AGO2: variants seen among roughly 807,000 people sequenced by gnomAD.
AGO2 encodes protein argonaute-2.
In AGO2, 5 loss-of-function variants were observed where a neutral mutation model predicts 102.3. That is an observed-to-expected ratio of 0.05 (90% CI 0.03 to 0.10). The LOEUF (loss-of-function observed/expected upper bound fraction) is 0.10, where lower values mean the gene tolerates loss of function less well. Among genes scored for constraint, AGO2 ranks in the 10% least tolerant of loss-of-function variants. The pLI, the probability that AGO2 is intolerant of heterozygous loss-of-function variation, is 1.00. For synonymous variants in AGO2, 449 were observed against 473.1 expected (o/e 0.95, Z 0.66); for missense variants, 541 against 1,183.7 (o/e 0.46, Z 7.97).
intron 1 of AGO2, among the ~76,000 whole-genome samples, chr8:140,588,771 C>T (rs560180660): frequency 1.2e-4 from 18 of 152,346 alleles, no homozygotes; most frequent in South Asian, 2.1e-4. Flanking sequence ...GATGGCTCCC[C>T]GGGGCCCAGG....
chr8:140,554,197 G>T lies in AGO2; in HGVS notation c.1269+1699C>A, dbSNP rs143203095. ...GGCCAGGCACTCCTCTTGCCCTCCCGGGGCGTCTCCTCCCCAACTCATGAA... is the reference window on the plus strand; with the variant it reads ...GGCCAGGCACTCCTCTTGCCCTCCCTGGGCGTCTCCTCCCCAACTCATGAA... On this transcript the variant is annotated intron_variant, in intron 10 of 18. Transcript: ENST00000220592. Among the ~76,000 whole-genome samples the T allele has an allele frequency of 7.1e-3, 1,087 of 152,326 alleles. 11 individuals carry two copies. Among genetic ancestry groups the T allele is most frequent in the African/African-American group, 0.025 (1,036 of 41,568 alleles).
At chr8:140,597,893 C>T (rs1020383303) in intron 1 of AGO2, among the ~76,000 whole-genome samples, 2 of 152,198 alleles carry the variant, frequency 1.3e-5, no homozygotes, top group South Asian at 2.1e-4. Flanking sequence ...CGGGCTGTTG[C>T]GTCATCTGCC....
chr8:140,595,741 TATTATATATAATTGTATATACAATTA>T, intron 1 of AGO2, among the ~76,000 whole-genome samples: 1 of 51,342 alleles, frequency 1.9e-5, no homozygotes, highest in Non-Finnish European at 5.4e-5. Context: ...AAATGTTATA[TATTATATATAATTGTATATACAATTA>T]TATTATATAC....
At chr8:140,580,169 G>T (rs1476799994) in intron 2 of AGO2, among the ~76,000 whole-genome samples, 1 of 152,274 alleles carries the variant, frequency 6.6e-6, no homozygotes, top group African/African-American at 2.4e-5. Context: ...GCCCACAGCT[G>T]TACGGGACGC....
At chr8:140,566,626 G>GA (rs1275181420) in intron 3 of AGO2, among the ~76,000 whole-genome samples, 1 of 151,210 alleles carries the variant, frequency 6.6e-6, no homozygotes, top group East Asian at 1.9e-4. Flanking sequence ...TTTGGGGGGG[G>GA]GGAAGGTGTC....
intron 1 of AGO2, among the ~76,000 whole-genome samples, chr8:140,600,793 C>T (rs2073922658): frequency 6.6e-6 from 1 of 152,106 alleles, no homozygotes; most frequent in Non-Finnish European, 1.5e-5. Flanking sequence ...CCTATGTCCC[C>T]TCTCTCTGCT....
chr8:140,614,015 C>CAAAAAA lies in AGO2; in HGVS notation c.22+21464_22+21469dup, dbSNP rs59000809. On this transcript the variant is annotated intron_variant, in intron 1 of 18. Transcript: ENST00000220592. Reference sequence around the variant, plus strand: ...TGGGCAACAGAGCAAGACCCTGTCTCAAAAAAAAAAAAAAAAAAAAAAAAA... The same window carrying CAAAAAA: ...TGGGCAACAGAGCAAGACCCTGTCTCAAAAAAAAAAAAAAAAAAAAAAAAAAAAAAA... 9.6e-3 allele frequency among the ~76,000 whole-genome samples: 555 copies of CAAAAAA among 57,614 alleles called. 25 individuals carry two copies. Among genetic ancestry groups the CAAAAAA allele is most frequent in the Middle Eastern group, 0.018 (1 of 56 alleles). The allele number at this position is 57,614 out of a possible 152,430, so 37.8% of individuals were successfully genotyped here. A position where few individuals can be genotyped will look rare whatever the true frequency, so the allele number is the denominator to read the frequency against.
chr8:140,555,842 C>A (rs987795476), intron 10 of AGO2, 54 bp downstream of exon 10: 69 of 1,576,050 alleles, frequency 4.4e-5, no homozygotes, highest in Non-Finnish European at 5.6e-5. Context: ...TGAGAGGGGT[C>A]GCAGGGCAGA....
chr8:140,571,906 A>G (rs1183100652), intron 3 of AGO2, among the ~76,000 whole-genome samples: 1 of 152,020 alleles, frequency 6.6e-6, no homozygotes, highest in Non-Finnish European at 1.5e-5. Context: ...GCTAATTTTT[A>G]TATTTTTAGT....
chr8:140,558,491 T>A lies in AGO2; in HGVS notation c.872A>T (p.His291Leu), dbSNP rs765439426. 3.1e-6 allele frequency: 5 copies of A among 1,614,044 alleles called. No individual in the cohort carries two copies. The highest frequency in any genetic ancestry group is 4.2e-6 in the Non-Finnish European group (5 of 1,180,028). The change falls in exon 7 of 19, where the codon CAC becomes CTC. Residue 291 changes from histidine (H) to leucine (L), a missense_variant. Around this residue, in one of 6 missense-constraint regions of AGO2, gnomAD observed 38 missense variants for 68.1 expected, o/e 0.56. Coordinates refer to ENST00000220592, the MANE Select transcript of AGO2 (RefSeq NM_012154.5). ...VCNVTRRPAS[H>L]QTFPLQQESG... ...GAAAGGAAGGGCGTGTTACGTTTGG[T>A]GACTGGCGGGCCGCCGGGTCACATT...
At chr8:140,536,520 T>G (rs1588435768) in intron 16 of AGO2, among the ~76,000 whole-genome samples, 1 of 151,896 alleles carries the variant, frequency 6.6e-6, no homozygotes, top group South Asian at 2.1e-4. Context: ...AGAGACGGGG[T>G]TTCACTATGT....
At chr8:140,605,810 T>C (rs995681357) in intron 1 of AGO2, 1 of 152,208 alleles carries the variant, frequency 6.6e-6, no homozygotes, top group African/African-American at 2.4e-5. Flanking sequence ...CTCAGAGGCT[T>C]CCGAACTGGC....
chr8:140,603,454 A>C (rs1281349726), intron 1 of AGO2, among the ~76,000 whole-genome samples: 3 of 152,192 alleles, frequency 2.0e-5, no homozygotes, highest in Admixed American at 6.5e-5. Flanking sequence ...CTGTTGTGTA[A>C]CCAACACAAC....
At chr8:140,629,510 A>G (rs761737959) in intron 1 of AGO2, among the ~76,000 whole-genome samples, 6 of 151,808 alleles carry the variant, frequency 4.0e-5, no homozygotes, top group Middle Eastern at 6.8e-3. Flanking sequence ...TTCTGACCAG[A>G]CTCCTGTCTG....
chr8:140,597,471 C>CA (rs2073863466), intron 1 of AGO2, among the ~76,000 whole-genome samples: 1 of 16,148 alleles, frequency 6.2e-5, no homozygotes, highest in Non-Finnish European at 2.4e-4. Flanking sequence ...GGGTGGCCCC[C>CA]CCACCCCCCC....
intron 3 of AGO2, among the ~76,000 whole-genome samples, chr8:140,563,595 G>A (rs1192727960): frequency 6.6e-6 from 1 of 152,080 alleles, no homozygotes; most frequent in Non-Finnish European, 1.5e-5. Context: ...ATAACCCAAG[G>A]CCACAAAGCC....
intron 1 of AGO2, chr8:140,626,361 G>A (rs1156942931): frequency 2.0e-5 from 3 of 152,164 alleles, no homozygotes; most frequent in African/African-American, 4.8e-5. Flanking sequence ...TGCTTGCAAA[G>A]TAAAGACCCA....
chr8:140,588,656 G>C (rs902623334), intron 1 of AGO2, among the ~76,000 whole-genome samples: 2 of 150,982 alleles, frequency 1.3e-5, no homozygotes, highest in African/African-American at 2.4e-5. Context: ...GGAAAGGAGG[G>C]AGGGAGGGAA....
chr8:140,586,803 C>G (rs539419036), intron 1 of AGO2, among the ~76,000 whole-genome samples: 2 of 152,162 alleles, frequency 1.3e-5, no homozygotes, highest in Admixed American at 6.5e-5. Context: ...CCCAGTGAGA[C>G]GGCTCCCAGG....
Sources: allele counts gnomAD v4.1 joint callset (sites outside exome capture counted in the v4.1 genomes callset), GRCh38; gene constraint gnomAD v4.1.1; regional missense constraint gnomAD v4.1.1; transcripts MANE v1.5; gene names NCBI Gene and HGNC (gene_info 2026-07-23, HGNC 2026-07-21).